The following OTUD7A variants were observed in gnomAD, a reference collection of about 807,000 sequenced individuals.
The protein encoded by OTUD7A is OTU deubiquitinase 7A.
In OTUD7A, 12 loss-of-function variants were observed where a neutral mutation model predicts 65.7. The ratio of observed to expected loss-of-function variants is 0.18; its 90% CI spans 0.12 to 0.30. The LOEUF (loss-of-function observed/expected upper bound fraction) is 0.30, where lower values mean the gene tolerates loss of function less well. Ranked by LOEUF, OTUD7A falls within the 10% of genes least tolerant of loss-of-function variation. OTUD7A has a pLI of 1.00. For synonymous variants in OTUD7A, 641 were observed against 586.3 expected (o/e 1.09, Z -1.35); for missense variants, 1,148 against 1,304.8 (o/e 0.88, Z 1.85).
intron 5 of OTUD7A, among the ~76,000 whole-genome samples, chr15:31,535,668 G>GTTTTTTT (rs1285943338): frequency 7.8e-6 from 1 of 128,898 alleles, no homozygotes; most frequent in African/African-American, 3.2e-5. Context: ...CTTGGGTTCT[G>GTTTTTTT]TTTTTGTTTT....
At chr15:31,713,042 G>A (rs1450590056) in intron 1 of OTUD7A, among the ~76,000 whole-genome samples, 6 of 152,118 alleles carry the variant, frequency 3.9e-5, no homozygotes, top group South Asian at 2.1e-4. Flanking sequence ...CTGACATTCT[G>A]TTGCATGTGG....
At chr15:31,850,209 A>C (rs1199532691) in intron 1 of OTUD7A, among the ~76,000 whole-genome samples, 1 of 152,232 alleles carries the variant, frequency 6.6e-6, no homozygotes, top group Non-Finnish European at 1.5e-5. Context: ...GCACATATAC[A>C]TCATGGAATA....
chr15:31,622,170 G>A (rs1024586380), intron 3 of OTUD7A, among the ~76,000 whole-genome samples: 3 of 152,156 alleles, frequency 2.0e-5, no homozygotes, highest in Non-Finnish European at 4.4e-5. Flanking sequence ...TAGGTAACCC[G>A]ACTTTTCTTT....
intron 10 of OTUD7A, among the ~76,000 whole-genome samples, chr15:31,488,148 C>A (rs1436886950): frequency 6.6e-6 from 1 of 152,104 alleles, no homozygotes; most frequent in African/African-American, 2.4e-5. Context: ...TGGTGATGAG[C>A]CCTGGAAGGG....
chr15:31,664,233 T>C (rs936176744), intron 1 of OTUD7A, among the ~76,000 whole-genome samples: 1 of 149,064 alleles, frequency 6.7e-6, no homozygotes, highest in African/African-American at 2.6e-5. Context: ...TTTTAGTTCT[T>C]TAAGGAGTCT....
At chr15:31,510,545 ATC>A (rs2041674740) in intron 8 of OTUD7A, among the ~76,000 whole-genome samples, 1 of 129,986 alleles carries the variant, frequency 7.7e-6, no homozygotes, top group African/African-American at 3.1e-5. Context: ...ACATATGTAT[ATC>A]TATATGTAAC....
chr15:31,501,931 G>A, intron 9 of OTUD7A, 92 bp from the exon 10 acceptor site: 3 of 1,393,250 alleles, frequency 2.2e-6, no homozygotes, highest in Non-Finnish European at 2.9e-6. Flanking sequence ...CTACCCCGGG[G>A]GGACTCCGTG....
At chr15:31,513,387 A>G (rs1229290633) in intron 8 of OTUD7A, among the ~76,000 whole-genome samples, 1 of 148,780 alleles carries the variant, frequency 6.7e-6, no homozygotes, top group African/African-American at 2.4e-5. Context: ...TCAGGAATTC[A>G]CACAGTTACA....
intron 1 of OTUD7A, among the ~76,000 whole-genome samples, chr15:31,727,242 C>A (rs1893916869): frequency 6.6e-6 from 1 of 152,386 alleles, no homozygotes; most frequent in East Asian, 1.9e-4. Context: ...CCTTTCCCAA[C>A]CTTCCCACAG....
intron 3 of OTUD7A, among the ~76,000 whole-genome samples, chr15:31,608,544 T>C (rs1309765244): frequency 2.0e-5 from 3 of 152,114 alleles, no homozygotes; most frequent in Non-Finnish European, 4.4e-5. Context: ...TTTTGACACA[T>C]GTGCACAGAA....
intron 1 of OTUD7A, among the ~76,000 whole-genome samples, chr15:31,863,170 G>A (rs1897788680): frequency 1.3e-5 from 2 of 152,200 alleles, no homozygotes; most frequent in Non-Finnish European, 2.9e-5. Context: ...GGCTGTGCAG[G>A]GTACAGCCTC....
intron 3 of OTUD7A, among the ~76,000 whole-genome samples, chr15:31,621,940 G>C (rs1890799913): frequency 6.6e-6 from 1 of 152,184 alleles, no homozygotes; most frequent in African/African-American, 2.4e-5. Flanking sequence ...TCCTTCAGGA[G>C]CTCTTGTAGG....
intron 1 of OTUD7A, among the ~76,000 whole-genome samples, chr15:31,675,154 A>T (rs1224226595): frequency 7.3e-6 from 1 of 136,560 alleles, no homozygotes; most frequent in Non-Finnish European, 1.5e-5. Flanking sequence ...TACAACTTAA[A>T]ATTAAAGATT....
chr15:31,560,442 A>G (rs140591074), intron 4 of OTUD7A, among the ~76,000 whole-genome samples: 53 of 152,232 alleles, frequency 3.5e-4, no homozygotes, highest in Non-Finnish European at 2.9e-5. Context: ...TAGGAAGTCG[A>G]TTACCTAGAA....
chr15:31,597,447 G>A (rs936307649), intron 3 of OTUD7A, among the ~76,000 whole-genome samples: 10 of 151,462 alleles, frequency 6.6e-5, no homozygotes, highest in Admixed American at 1.3e-4. Flanking sequence ...TCGTATGCAT[G>A]GTAGGAGGCA....
intron 2 of OTUD7A, among the ~76,000 whole-genome samples, chr15:31,656,457 A>T (rs1363521280): frequency 1.3e-5 from 2 of 152,200 alleles, no homozygotes; most frequent in Non-Finnish European, 2.9e-5. Flanking sequence ...CACCTGGCTG[A>T]GTTGAGTAGT....
At chr15:31,500,191 A>G (rs1595559347) in intron 10 of OTUD7A, among the ~76,000 whole-genome samples, 2 of 152,200 alleles carry the variant, frequency 1.3e-5, no homozygotes, top group African/African-American at 4.8e-5. Flanking sequence ...GGTCAGCCCT[A>G]CGAAGAGCTA....
chr15:31,841,612 T>C (rs1172848860), intron 1 of OTUD7A, among the ~76,000 whole-genome samples: 1 of 152,126 alleles, frequency 6.6e-6, no homozygotes, highest in Non-Finnish European at 1.5e-5. Flanking sequence ...AACACTGAAC[T>C]AAAACGTCTT....
intron 4 of OTUD7A, among the ~76,000 whole-genome samples, chr15:31,564,751 G>T (rs1888811407): frequency 1.3e-5 from 2 of 152,018 alleles, no homozygotes; most frequent in African/African-American, 4.8e-5. Flanking sequence ...TCTTGGATTG[G>T]ATAATAAAAT....
Sources: gnomAD v4.1 joint callset for allele counts (sites outside exome capture counted in the v4.1 genomes callset) on GRCh38, gnomAD v4.1.1 for gene constraint, MANE v1.5 for transcripts, NCBI Gene and HGNC (gene_info 2026-07-23, HGNC 2026-07-21) for gene names.